The following GPM6A variants were observed in gnomAD, a reference collection of about 807,000 sequenced individuals.
GPM6A encodes neuronal membrane glycoprotein M6-a.
GPM6A carries 7 observed loss-of-function variants against 32.1 expected under a neutral mutation model. The ratio of observed to expected loss-of-function variants is 0.22; its 90% CI spans 0.12 to 0.41. GPM6A has a LOEUF of 0.41. Among genes scored for constraint, GPM6A ranks in the 10% least tolerant of loss-of-function variants. GPM6A has a pLI of 1.00. For synonymous variants in GPM6A, 130 were observed against 123.4 expected (o/e 1.05, Z -0.35); for missense variants, 235 against 347.2 (o/e 0.68, Z 2.57).
intron 1 of GPM6A, among the ~76,000 whole-genome samples, chr4:175,778,626 A>T (rs4690413): frequency 1.9e-4 from 15 of 80,782 alleles, no homozygotes; most frequent in Admixed American, 5.7e-4. Context: ...TCTGTATCCA[A>T]CAAAAAAAAA....
chr4:175,968,166 G>GA (rs149459376), intron 1 of GPM6A, among the ~76,000 whole-genome samples: 28,526 of 146,808 alleles, frequency 0.19, 2,775 homozygotes, highest in Non-Finnish European at 0.21. Flanking sequence ...GCAACTCAAT[G>GA]AAAAAAAAAA....
chr4:175,786,286 T>A (rs1460840883), intron 1 of GPM6A, among the ~76,000 whole-genome samples: 1 of 145,862 alleles, frequency 6.9e-6, no homozygotes, highest in Non-Finnish European at 1.5e-5. Context: ...CAGGAAAGGT[T>A]TTTTGTTTTG....
chr4:175,730,820 G>A (rs561641263), intron 1 of GPM6A, among the ~76,000 whole-genome samples: 7 of 152,162 alleles, frequency 4.6e-5, no homozygotes, highest in African/African-American at 1.7e-4. Flanking sequence ...GGTTTCCCAT[G>A]TTCACCAAAG....
intron 1 of GPM6A, among the ~76,000 whole-genome samples, chr4:175,866,835 C>A (rs1736754740): frequency 6.6e-6 from 1 of 152,154 alleles, no homozygotes; most frequent in Non-Finnish European, 1.5e-5. Flanking sequence ...TGTAAGAAAC[C>A]ACCAAACTGT....
intron 1 of GPM6A, among the ~76,000 whole-genome samples, chr4:175,841,959 A>T (rs887632466): frequency 5.9e-5 from 9 of 152,192 alleles, no homozygotes; most frequent in Non-Finnish European, 1.2e-4. Context: ...TTAAGATAAT[A>T]TAGGGTGCTC....
chr4:175,712,798 CTG>C (rs2111095381), intron 1 of GPM6A, among the ~76,000 whole-genome samples: 1 of 152,322 alleles, frequency 6.6e-6, no homozygotes, highest in South Asian at 2.1e-4. Context: ...CTTCTACACA[CTG>C]TGTATACAGA....
intron 1 of GPM6A, among the ~76,000 whole-genome samples, chr4:175,960,036 A>G (rs986823760): frequency 6.6e-6 from 1 of 152,174 alleles, no homozygotes; most frequent in Non-Finnish European, 1.5e-5. Flanking sequence ...GAGGTTAAGT[A>G]AATTAACCAT....
chr4:175,974,012 C>G (rs62340590), intron 1 of GPM6A, among the ~76,000 whole-genome samples: 23,936 of 152,074 alleles, frequency 0.16, 2,170 homozygotes, highest in South Asian at 0.21. Flanking sequence ...GCAGGTAGAT[C>G]ACCTGAGGTC....
intron 6 of GPM6A, among the ~76,000 whole-genome samples, chr4:175,637,392 TA>T (rs1212620517): frequency 1.3e-5 from 1 of 78,930 alleles, no homozygotes; most frequent in Non-Finnish European, 2.2e-5. Context: ...TAATATATAA[TA>T]ATATAATATA....
chr4:175,909,357 T>G (rs1579617987), intron 1 of GPM6A, among the ~76,000 whole-genome samples: 1 of 152,194 alleles, frequency 6.6e-6, no homozygotes, highest in Non-Finnish European at 1.5e-5. Context: ...AAATTTCACA[T>G]GTATGATCAG....
At chr4:175,678,366 A>G (rs548867348) in intron 2 of GPM6A, among the ~76,000 whole-genome samples, 5 of 152,060 alleles carry the variant, frequency 3.3e-5, no homozygotes, top group Non-Finnish European at 7.4e-5. Context: ...GCTTGAATTT[A>G]TTTTCTTAAT....
chr4:175,818,539 C>T (rs948395373), intron 1 of GPM6A, among the ~76,000 whole-genome samples: 4 of 152,314 alleles, frequency 2.6e-5, no homozygotes, highest in African/African-American at 9.6e-5. Context: ...CTCTATCTTT[C>T]CCCCTCACAC....
chr4:175,651,179 C>G (rs1453982920), intron 4 of GPM6A, among the ~76,000 whole-genome samples: 1 of 152,018 alleles, frequency 6.6e-6, no homozygotes, highest in Non-Finnish European at 1.5e-5. Context: ...GTTTTGTCAT[C>G]TACAAAAGAA....
chr4:175,914,484 AG>A (rs1160574373), intron 1 of GPM6A, among the ~76,000 whole-genome samples: 1 of 151,906 alleles, frequency 6.6e-6, no homozygotes, highest in Non-Finnish European at 1.5e-5. Context: ...CACCACGACC[AG>A]TTAATTTTTG....
chr4:175,756,855 C>T (rs1376127071), intron 1 of GPM6A, among the ~76,000 whole-genome samples: 3 of 151,970 alleles, frequency 2.0e-5, no homozygotes, highest in African/African-American at 7.3e-5. Context: ...ACTGACATCT[C>T]AAAGTAAATT....
At chr4:175,862,919 T>C (rs1481510066) in intron 1 of GPM6A, among the ~76,000 whole-genome samples, 1 of 152,132 alleles carries the variant, frequency 6.6e-6, no homozygotes, top group Non-Finnish European at 1.5e-5. Flanking sequence ...ACTGGACCAA[T>C]TATACCCGCA....
At chr4:175,811,562 A>T (rs1025793622) in intron 1 of GPM6A, among the ~76,000 whole-genome samples, 3 of 152,202 alleles carry the variant, frequency 2.0e-5, no homozygotes, top group Non-Finnish European at 2.9e-5. Flanking sequence ...ACATAAAAAA[A>T]TTTCCTTTAA....
At chr4:175,762,552 C>G (rs756138953) in intron 1 of GPM6A, among the ~76,000 whole-genome samples, 3 of 152,034 alleles carry the variant, frequency 2.0e-5, no homozygotes, top group Non-Finnish European at 2.9e-5. Context: ...CAATAAAAGA[C>G]AGCAGACAAA....
intron 1 of GPM6A, among the ~76,000 whole-genome samples, chr4:175,751,796 C>T (rs533658088): frequency 2.0e-5 from 3 of 150,404 alleles, no homozygotes; most frequent in African/African-American, 7.3e-5. Context: ...GTTTGTTTTA[C>T]AATTCAAGGA....
Sources: gnomAD v4.1 joint callset for allele counts (sites outside exome capture counted in the v4.1 genomes callset) on GRCh38, gnomAD v4.1.1 for gene constraint, MANE v1.5 for transcripts, NCBI Gene and HGNC (gene_info 2026-07-23, HGNC 2026-07-21) for gene names.